The following DOCK3 variants were observed in gnomAD, a reference collection of about 807,000 sequenced individuals.
DOCK3 encodes the protein dedicator of cytokinesis protein 3.
In DOCK3, 60 loss-of-function variants were observed where a neutral mutation model predicts 265.6. The observed-to-expected ratio is 0.23, with a 90% CI of 0.18 to 0.28. The LOEUF (loss-of-function observed/expected upper bound fraction) is 0.28, where lower values mean the gene tolerates loss of function less well. DOCK3 is among the 10% of genes least tolerant of loss of function. DOCK3 has a pLI of 1.00. For missense variants in DOCK3, 1,981 were observed against 2,594.3 expected (o/e 0.76, Z 5.14); for synonymous variants, 881 against 938.0 (o/e 0.94, Z 1.11).
intron 1 of DOCK3, among the ~76,000 whole-genome samples, chr3:50,683,038 A>G (rs916714569): frequency 2.0e-5 from 3 of 152,252 alleles, no homozygotes; most frequent in Non-Finnish European, 4.4e-5. Flanking sequence ...AGAAGGTTTT[A>G]CACACGTATT....
At chr3:51,271,031 C>A in intron 24 of DOCK3, 24 bp downstream of exon 24, 4 of 1,600,094 alleles carry the variant, frequency 2.5e-6, no homozygotes, top group Non-Finnish European at 3.4e-6. Context: ...GGATGAGAGT[C>A]CTCCTTCCTT....
intron 9 of DOCK3, among the ~76,000 whole-genome samples, chr3:51,138,296 C>T (rs2084899238): frequency 6.6e-6 from 1 of 152,060 alleles, no homozygotes; most frequent in South Asian, 2.1e-4. Context: ...ATTTATCATA[C>T]CCATTGTAGA....
chr3:51,279,017 G>A (rs944701447), intron 26 of DOCK3, among the ~76,000 whole-genome samples: 3 of 152,174 alleles, frequency 2.0e-5, no homozygotes, highest in African/African-American at 7.2e-5. Context: ...GGGAGGCCGA[G>A]GCAGATGGAT....
intron 1 of DOCK3, among the ~76,000 whole-genome samples, chr3:50,725,728 G>C (rs2037780684): frequency 2.0e-5 from 3 of 152,202 alleles, no homozygotes; most frequent in Admixed American, 6.5e-5. Context: ...GGAGGCCCAT[G>C]TGGACTTTGT....
chr3:51,067,683 T>C (rs1360848207), intron 6 of DOCK3, among the ~76,000 whole-genome samples: 1 of 151,866 alleles, frequency 6.6e-6, no homozygotes, highest in Non-Finnish European at 1.5e-5. Flanking sequence ...GTGGAAAATA[T>C]AGTCACTTAA....
At chr3:51,354,749 G>T in intron 40 of DOCK3, 133 bp from the exon 41 acceptor site, 1 of 1,383,810 alleles carries the variant, frequency 7.2e-7, no homozygotes, top group Non-Finnish European at 9.7e-7. Flanking sequence ...GCAATGCCCT[G>T]TGCCTGTCCC....
At chr3:51,097,907 C>T (rs1173791286) in intron 9 of DOCK3, among the ~76,000 whole-genome samples, 2 of 152,222 alleles carry the variant, frequency 1.3e-5, no homozygotes, top group African/African-American at 2.4e-5. Flanking sequence ...AGCCAATGCC[C>T]AACCCTGCTT....
rs140217860 is a variant in DOCK3 at position 50,697,562 on chromosome 3, G to T, written c.37+22262G>T. ...GCCGAGATCGTGCCACTGCACTCCA[G>T]CCTGGGCAATAAGAGCAAAACTCCG... On this transcript the variant is annotated intron_variant, in intron 1 of 52. Coordinates refer to ENST00000266037, the MANE Select transcript of DOCK3 (RefSeq NM_004947.5). 2.0e-3 allele frequency among the ~76,000 whole-genome samples: 304 copies of T among 152,326 alleles called. 3 individuals are homozygous for T. The highest frequency in any genetic ancestry group is 6.7e-3 in the African/African-American group (278 of 41,580).
At chr3:50,806,888 G>A (rs1202231524) in intron 2 of DOCK3, among the ~76,000 whole-genome samples, 1 of 152,102 alleles carries the variant, frequency 6.6e-6, no homozygotes, top group East Asian at 1.9e-4. Context: ...GCAGTTGCAT[G>A]AATTTCTGGT....
intron 5 of DOCK3, among the ~76,000 whole-genome samples, chr3:51,053,547 G>A (rs1416693041): frequency 6.6e-6 from 1 of 151,088 alleles, no homozygotes. Flanking sequence ...TTAACCTCCT[G>A]AGTAGCTGGG....
intron 9 of DOCK3, among the ~76,000 whole-genome samples, chr3:51,124,677 T>C (rs2084185040): frequency 6.6e-6 from 1 of 152,224 alleles, no homozygotes; most frequent in South Asian, 2.1e-4. Context: ...TTTCAAATGC[T>C]TTATTTCTTT....
chr3:50,858,027 C>T (rs1396197215), intron 3 of DOCK3, among the ~76,000 whole-genome samples: 1 of 152,152 alleles, frequency 6.6e-6, no homozygotes, highest in Non-Finnish European at 1.5e-5. Flanking sequence ...TGTAACCAAC[C>T]CAAATGTCCA....
intron 3 of DOCK3, among the ~76,000 whole-genome samples, chr3:50,854,506 T>C (rs2046488845): frequency 6.7e-6 from 1 of 148,690 alleles, no homozygotes; most frequent in Non-Finnish European, 1.5e-5. Flanking sequence ...TCATAACTCA[T>C]TGAAGCCTTG....
chr3:50,822,126 G>A (rs1448319732), intron 2 of DOCK3, among the ~76,000 whole-genome samples: 4 of 151,966 alleles, frequency 2.6e-5, no homozygotes, highest in African/African-American at 4.8e-5. Context: ...TGATTCTTTC[G>A]GTTCCTGAGC....
intron 5 of DOCK3, among the ~76,000 whole-genome samples, chr3:51,017,440 A>G (rs1312814472): frequency 6.6e-6 from 1 of 151,360 alleles, no homozygotes; most frequent in Non-Finnish European, 1.5e-5. Flanking sequence ...GTTCTTTAAG[A>G]TGTATCATTG....
rs1206536868 is a variant in DOCK3, at chr3:51,180,883, G to A, written c.1037+20181G>A. Among the ~76,000 whole-genome samples, 4 of 152,242 alleles carry A rather than the reference G, an allele frequency of 2.6e-5. No individual in the cohort carries two copies. In the East Asian group the frequency reaches 7.7e-4, roughly 29 times the overall value. ...CTGCAAGGAGGTTAGTCCAAAGGAG[G>A]GAAGAGGCAGAACTGAGATGTTCAT... On this transcript the variant is annotated intron_variant, in intron 12 of 52. Coordinates refer to ENST00000266037, the MANE Select transcript of DOCK3 (RefSeq NM_004947.5).
chr3:51,233,472 T>C (rs902445356), intron 19 of DOCK3, among the ~76,000 whole-genome samples: 8 of 152,152 alleles, frequency 5.3e-5, no homozygotes, highest in African/African-American at 1.7e-4. Context: ...TTCAAGTGAT[T>C]CTCCTGCCTC....
chr3:51,376,718 GTCA>G (rs1364092056), intron 51 of DOCK3, among the ~76,000 whole-genome samples: 5 of 152,196 alleles, frequency 3.3e-5, no homozygotes, highest in Non-Finnish European at 7.3e-5. Flanking sequence ...CTCCAAAGCT[GTCA>G]TCATCACGTT....
At position 51,312,974 on chromosome 3, in the gene DOCK3, A is replaced by G. The variant is rs1053250835; in HGVS notation, c.3253+72A>G. 1.8e-5 allele frequency: 25 copies of G among 1,369,846 alleles called. No individual in the cohort carries two copies. In the Middle Eastern group the frequency reaches 8.9e-4, roughly 49 times the overall value. The allele number at this position is 1,369,846 out of a possible 1,614,324, so 84.9% of individuals were successfully genotyped here. A position where few individuals can be genotyped will look rare whatever the true frequency, so the allele number is the denominator to read the frequency against. ...AATAGAAAGTAGCAAGACTAATAAC[A>G]TCTCCCAGGCTTTATGAATGTTAAT... is the stretch of plus-strand genomic sequence containing the variant. On this transcript the variant is annotated intron_variant, in intron 31 of 52. Transcript: ENST00000266037.
Sources: allele counts gnomAD v4.1 joint callset (sites outside exome capture counted in the v4.1 genomes callset), GRCh38; gene constraint gnomAD v4.1.1; transcripts MANE v1.5; gene names NCBI Gene and HGNC (gene_info 2026-07-23, HGNC 2026-07-21).